Variants in CREBBP observed in about 807,000 individuals in gnomAD.
CREBBP encodes the protein CREB binding lysine acetyltransferase, also known as CREB-binding protein.
Under a neutral mutation model 265.0 loss-of-function variants are expected in CREBBP, and 19 were observed. The ratio of observed to expected loss-of-function variants is 0.07; its 90% CI spans 0.05 to 0.11. The LOEUF (loss-of-function observed/expected upper bound fraction) is 0.11, where lower values mean the gene tolerates loss of function less well. Ranked by LOEUF, CREBBP falls within the 10% of genes least tolerant of loss-of-function variation. The pLI is 1.00. For missense variants in CREBBP, 2,525 were observed against 3,219.0 expected (o/e 0.78, Z 5.22); for synonymous variants, 1,457 against 1,223.7 (o/e 1.19, Z -3.98).
At chr16:3,853,114 T>G (rs2054887542) in intron 1 of CREBBP, among the ~76,000 whole-genome samples, 1 of 152,166 alleles carries the variant, frequency 6.6e-6, no homozygotes, top group Admixed American at 6.5e-5. Flanking sequence ...TACTCAGCCT[T>G]TCTTTGCCTC....
chr16:3,781,054 T>C, intron 7 of CREBBP, 150 bp downstream of exon 7: 2 of 1,012,760 alleles, frequency 2.0e-6, no homozygotes, highest in Non-Finnish European at 3.0e-6. Context: ...TCTACATTTA[T>C]AATTAAAGAA....
chr16:3,869,940 T>G (rs930944014), intron 1 of CREBBP, among the ~76,000 whole-genome samples: 4 of 152,196 alleles, frequency 2.6e-5, no homozygotes, highest in African/African-American at 9.7e-5. Flanking sequence ...GAAGTTCAAC[T>G]ACGGGCAGGT....
chr16:3,827,397 T>C (rs1461590820), intron 2 of CREBBP, among the ~76,000 whole-genome samples: 1 of 152,138 alleles, frequency 6.6e-6, no homozygotes. Flanking sequence ...TTTATTTTAT[T>C]GATTGATTGA....
At chr16:3,848,872 TCTA>T (rs1567359346) in intron 2 of CREBBP, among the ~76,000 whole-genome samples, 5 of 152,178 alleles carry the variant, frequency 3.3e-5, no homozygotes. Flanking sequence ...CACGTTCCTC[TCTA>T]CTAACATTTC....
intron 2 of CREBBP, among the ~76,000 whole-genome samples, chr16:3,825,969 C>T (rs975220441): frequency 6.6e-6 from 1 of 152,198 alleles, no homozygotes; most frequent in Admixed American, 6.5e-5. Flanking sequence ...TGCCTGTAAT[C>T]CCAGCACTTT....
At chr16:3,762,514 C>T (rs543827715) in intron 16 of CREBBP, among the ~76,000 whole-genome samples, 3 of 151,952 alleles carry the variant, frequency 2.0e-5, no homozygotes, top group African/African-American at 7.2e-5. Context: ...TCTTCACCAG[C>T]ACCTTTCTGT....
chr16:3,818,141 T>C (rs533388207), intron 2 of CREBBP, among the ~76,000 whole-genome samples: 1 of 151,832 alleles, frequency 6.6e-6, no homozygotes, highest in Admixed American at 6.6e-5. Context: ...CCATAACCAC[T>C]TATGAGTATG....
In CREBBP at chr16:3,728,976, G is replaced by A. The variant is rs745551441; in HGVS notation, c.6071C>T (p.Ala2024Val). ...PSMPPGQWQQAPLPQQQPMPG... is the reference protein window; with the variant it reads ...PSMPPGQWQQVPLPQQQPMPG... Reference sequence around the variant, plus strand: ...CATGGGCTGCTGCTGGGGAAGGGGCGCCTGCTGCCACTGCCCGGGAGGCAT... The same window carrying A: ...CATGGGCTGCTGCTGGGGAAGGGGCACCTGCTGCCACTGCCCGGGAGGCAT... Residue 2024 changes from alanine (A) to valine (V), a missense_variant, in exon 31 of 31, where the codon GCG becomes GTG. Around this residue, in one of 19 missense-constraint regions of CREBBP, gnomAD observed 275 missense variants for 276.5 expected, o/e 0.99. Coordinates refer to ENST00000262367, the MANE Select transcript of CREBBP (RefSeq NM_004380.3). The surrounding 1 kb of genome is among the most constrained non-coding windows in gnomAD (Gnocchi z 8.7). 1.9e-5 allele frequency: 31 copies of A among 1,595,430 alleles called. No individual in the cohort carries two copies. Among genetic ancestry groups the A allele is most frequent in the African/African-American group, 6.7e-5 (5 of 74,762 alleles).
chr16:3,728,161 G>A lies in CREBBP; in HGVS notation c.6886C>T (p.Leu2296=), dbSNP rs2151300778. The A allele has an allele frequency of 6.2e-7, 1 of 1,614,158 alleles. No homozygotes were observed. The highest frequency in any genetic ancestry group is 8.5e-7 in the Non-Finnish European group (1 of 1,180,024). ...NIQQALQQRI[L]QQQQMKQQIG... is the part of the protein sequence containing the mutation. ...TGCTGCTTCATCTGCTGTTGCTGCA[G>A]AATCCGCTGCTGCAGGGCTTGCTGG... Residue 2296 remains leucine (L), a synonymous_variant, in exon 31 of 31, where the codon CTG becomes TTG. Coordinates refer to ENST00000262367, the MANE Select transcript of CREBBP (RefSeq NM_004380.3). This position sits in a 1 kb window ranked among gnomAD's most constrained non-coding sequence, Gnocchi z 8.7.
intron 2 of CREBBP, among the ~76,000 whole-genome samples, chr16:3,811,780 C>T (rs1208142016): frequency 6.6e-6 from 1 of 152,200 alleles, no homozygotes; most frequent in Non-Finnish European, 1.5e-5. Flanking sequence ...AGGCATGAGC[C>T]ACCGTGCCCG....
At chr16:3,849,504 G>GTGTGTGTGTGTGTGT (rs2054780105) in intron 2 of CREBBP, among the ~76,000 whole-genome samples, 1 of 119,708 alleles carries the variant, frequency 8.4e-6, no homozygotes, top group African/African-American at 3.3e-5. Flanking sequence ...GCGTGACCTT[G>GTGTGTGTGTGTGTGT]GAGCCACCTG....
rs778400698 is a variant in CREBBP, at chr16:3,850,391, G to A, written c.704C>T (p.Ser235Leu). 2.2e-5 allele frequency: 36 copies of A among 1,614,224 alleles called. No homozygotes were observed. The highest frequency in any genetic ancestry group is 2.8e-5 in the Non-Finnish European group (33 of 1,180,040). ...PYPTPAMQGA[S>L]SSVLAETLTQ... ...TAGGGTCTCAGCCAGCACGCTGCTCGAGGCGCCCTGCATGGCTGGAGTAGG... is the reference window on the plus strand; with the variant it reads ...TAGGGTCTCAGCCAGCACGCTGCTCAAGGCGCCCTGCATGGCTGGAGTAGG... The change falls in exon 2 of 31, where the codon TCG becomes TTG. Residue 235 changes from serine to leucine, a missense_variant. Ser to Leu is a moderately radical substitution (Grantham distance 145, BLOSUM62 -2). This residue lies in a region of CREBBP where 356 missense variants were observed against 340.4 expected (regional missense o/e 1.05). Transcript: ENST00000262367.
chr16:3,745,393 A>C (rs774169511), intron 21 of CREBBP, 39 bp from the exon 22 acceptor site: 2 of 1,585,830 alleles, frequency 1.3e-6, no homozygotes, highest in Non-Finnish European at 1.7e-6. Flanking sequence ...AGCACACGGA[A>C]CCACAAGACC....
intron 3 of CREBBP, among the ~76,000 whole-genome samples, chr16:3,805,720 G>A (rs1267035104): frequency 6.6e-6 from 1 of 152,194 alleles, no homozygotes; most frequent in African/African-American, 2.4e-5. Flanking sequence ...AAGTGGACAT[G>A]AAGACCAACA....
chr16:3,738,927 G>C (rs2052136839), intron 25 of CREBBP, among the ~76,000 whole-genome samples: 1 of 152,144 alleles, frequency 6.6e-6, no homozygotes, highest in Non-Finnish European at 1.5e-5. Context: ...ATTTTTTGTA[G>C]AGCTAGGGTC....
intron 1 of CREBBP, among the ~76,000 whole-genome samples, chr16:3,862,693 C>A (rs2141551799): frequency 6.6e-6 from 1 of 152,244 alleles, no homozygotes; most frequent in East Asian, 1.9e-4. Context: ...CAAAGTGACG[C>A]CCTTCCCACT....
intron 15 of CREBBP, among the ~76,000 whole-genome samples, chr16:3,768,391 C>A (rs1199273666): frequency 2.0e-5 from 3 of 152,100 alleles, no homozygotes; most frequent in Non-Finnish European, 4.4e-5. Context: ...AAGTGATCCA[C>A]CTGCCTCGGC....
chr16:3,751,144 C>A (rs755448670), intron 20 of CREBBP, among the ~76,000 whole-genome samples: 6 of 152,084 alleles, frequency 3.9e-5, no homozygotes, highest in Non-Finnish European at 5.9e-5. Context: ...AAAGACAGAC[C>A]AAGGTCAAGA....
chr16:3,749,669 T>A lies in CREBBP; in HGVS notation c.3794A>T (p.Asp1265Val), dbSNP rs2151368466. The A allele has an allele frequency of 6.2e-7, 1 of 1,601,722 alleles. No homozygotes were observed. The highest frequency in any genetic ancestry group is 8.5e-7 in the Non-Finnish European group (1 of 1,169,680). Residue 1265 changes from aspartate (D) to valine (V), a missense_variant, in exon 21 of 31, where the codon GAT (aspartate) becomes GTT (valine). Physicochemically the swap from Asp to Val is radical, Grantham distance 152. Coordinates refer to ENST00000262367, the MANE Select transcript of CREBBP (RefSeq NM_004380.3). ...ATCATTTTTCTTCTTTTCAAACTGA[T>A]CCTTTGAAATTGTCCTTGTTTTAAA... ...PSQPQTTISKDQFEKKKNDTL... is the reference protein window; with the variant it reads ...PSQPQTTISKVQFEKKKNDTL...
Sources: gnomAD v4.1 joint callset for allele counts (sites outside exome capture counted in the v4.1 genomes callset) on GRCh38, gnomAD v4.1.1 for gene constraint, gnomAD v4.1.1 regional missense constraint, Gnocchi (gnomAD v3.1) non-coding constraint, MANE v1.5 for transcripts, NCBI Gene and HGNC (gene_info 2026-07-23, HGNC 2026-07-21) for gene names.